Variants in KDM4C observed in about 807,000 individuals in gnomAD.
KDM4C encodes lysine-specific demethylase 4C.
Under a neutral mutation model 129.3 loss-of-function variants are expected in KDM4C, and 81 were observed. The ratio of observed to expected loss-of-function variants is 0.63; its 90% CI spans 0.52 to 0.75. The LOEUF is 0.75. Ranked by LOEUF, KDM4C falls within the 30% of genes least tolerant of loss-of-function variation. KDM4C has a pLI of 0.00. For synonymous variants in KDM4C, 573 were observed against 456.1 expected, an observed-to-expected ratio of 1.26 and a Z score of -3.26; for missense variants, 1,457 against 1,304.0, an observed-to-expected ratio of 1.12 and a Z score of -1.81.
chr9:6,758,015 C>T lies in KDM4C; in HGVS notation c.-206C>T, dbSNP rs1818578042. 2 of 985,318 alleles carry T rather than the reference C, an allele frequency of 2.0e-6. No individual in the cohort carries two copies. The highest frequency in any genetic ancestry group is 2.4e-6 in the Non-Finnish European group (2 of 829,824). The allele number at this position is 985,318 out of a possible 1,614,324, so 61.0% of individuals were successfully genotyped here. Reference sequence around the variant, plus strand: ...CGCCTTCGCCGCTGCCTCCCACCCACCCCCTCGACGGGAGGGTGAGGCGCG... The same window carrying T: ...CGCCTTCGCCGCTGCCTCCCACCCATCCCCTCGACGGGAGGGTGAGGCGCG... On this transcript the variant is annotated 5_prime_UTR_variant, in exon 1 of 22. Transcript: ENST00000381309. This position sits in a 1 kb window ranked among gnomAD's most constrained non-coding sequence, Gnocchi z 4.6.
chr9:7,021,367 A>G (rs1399695882), intron 15 of KDM4C, among the ~76,000 whole-genome samples: 1 of 151,534 alleles, frequency 6.6e-6, no homozygotes, highest in Admixed American at 6.6e-5. Flanking sequence ...CTGGTCTCGA[A>G]CTCCTGACCT....
chr9:7,153,710 A>G (rs149777065), intron 19 of KDM4C, among the ~76,000 whole-genome samples: 4 of 152,356 alleles, frequency 2.6e-5, no homozygotes, highest in African/African-American at 9.6e-5. Context: ...ATGGCAACCA[A>G]CAGAAACTGA....
chr9:6,729,200 T>C (rs1588034739), intron 1 of KDM4C, among the ~76,000 whole-genome samples: 1 of 20,764 alleles, frequency 4.8e-5, no homozygotes, highest in Non-Finnish European at 7.4e-5. Flanking sequence ...CAAAGCTCCG[T>C]CTCCAAAAAA....
intron 1 of KDM4C, among the ~76,000 whole-genome samples, chr9:6,786,908 C>G (rs963329590): frequency 6.6e-6 from 1 of 152,012 alleles, no homozygotes; most frequent in Admixed American, 6.5e-5. Context: ...TTTTGCCCAT[C>G]ATATTGGCAA....
chr9:6,765,469 G>A (rs1313075011), intron 1 of KDM4C, among the ~76,000 whole-genome samples: 1 of 152,068 alleles, frequency 6.6e-6, no homozygotes, highest in Non-Finnish European at 1.5e-5. Context: ...AACACTTAGT[G>A]GTTTATAATT....
chr9:6,984,462 G>A (rs1400841528), intron 10 of KDM4C, 58 bp downstream of exon 10: 10 of 1,094,936 alleles, frequency 9.1e-6, no homozygotes, highest in Non-Finnish European at 1.4e-5. Context: ...ATGATCAGAT[G>A]TCTTAAATGG....
chr9:6,752,198 T>C (rs1818093269), intron 1 of KDM4C, among the ~76,000 whole-genome samples: 1 of 149,990 alleles, frequency 6.7e-6, no homozygotes, highest in Non-Finnish European at 1.5e-5. Context: ...CCGGGCATGG[T>C]GGCGCGCGCC....
chr9:7,072,484 C>G (rs1312309581), intron 17 of KDM4C, among the ~76,000 whole-genome samples: 1 of 152,204 alleles, frequency 6.6e-6, no homozygotes, highest in Non-Finnish European at 1.5e-5. Flanking sequence ...ATGGATGAAT[C>G]TCAGATTCAT....
chr9:7,168,360 C>A (rs904908978), intron 20 of KDM4C, among the ~76,000 whole-genome samples: 3 of 151,962 alleles, frequency 2.0e-5, no homozygotes, highest in African/African-American at 7.3e-5. Flanking sequence ...TTCAAAAATA[C>A]CATGTGGTTC....
intron 4 of KDM4C, among the ~76,000 whole-genome samples, chr9:6,833,416 T>C (rs1350219584): frequency 6.6e-6 from 1 of 152,156 alleles, no homozygotes; most frequent in Non-Finnish European, 1.5e-5. Flanking sequence ...TCTCCCTCCC[T>C]GATGATATAA....
chr9:7,165,145 C>A (rs148110547), intron 19 of KDM4C, 93 bp from the exon 20 acceptor site: 21 of 1,458,094 alleles, frequency 1.4e-5, no homozygotes, highest in Non-Finnish European at 2.0e-5. Context: ...GGCAATAACT[C>A]CTTTTAATTG....
chr9:7,029,451 C>T (rs1390205709), intron 15 of KDM4C, among the ~76,000 whole-genome samples: 1 of 151,744 alleles, frequency 6.6e-6, no homozygotes, highest in Admixed American at 6.6e-5. Flanking sequence ...ACCTCTATTC[C>T]AATAAATTAT....
At chr9:6,840,630 T>C (rs1485828456) in intron 4 of KDM4C, among the ~76,000 whole-genome samples, 1 of 152,102 alleles carries the variant, frequency 6.6e-6, no homozygotes, top group Non-Finnish European at 1.5e-5. Flanking sequence ...CTTCTGACCT[T>C]GTGATCCGCC....
chr9:6,827,056 G>A (rs1260960095), intron 4 of KDM4C, among the ~76,000 whole-genome samples: 3 of 152,106 alleles, frequency 2.0e-5, no homozygotes, highest in African/African-American at 7.2e-5. Context: ...TGGCCAGATC[G>A]CTGCTAACCT....
chr9:6,965,056 C>T (rs938633811), intron 8 of KDM4C, among the ~76,000 whole-genome samples: 13 of 151,670 alleles, frequency 8.6e-5, no homozygotes, highest in Admixed American at 6.6e-4. Context: ...TTCTTGAATG[C>T]GAAAGTTTAG....
intron 17 of KDM4C, among the ~76,000 whole-genome samples, chr9:7,073,284 G>C (rs1355488170): frequency 1.3e-5 from 2 of 152,158 alleles, no homozygotes; most frequent in Non-Finnish European, 2.9e-5. Context: ...CTTTTTCATT[G>C]TGATAATTTT....
At chr9:7,135,405 T>G (rs2381567) in intron 19 of KDM4C, among the ~76,000 whole-genome samples, 96,920 of 151,966 alleles carry the variant, frequency 0.64, 31,183 homozygotes, top group East Asian at 0.69. Flanking sequence ...GACTCAGGTA[T>G]AGCATTTCAT....
At chr9:7,094,410 A>G (rs1836170699) in intron 17 of KDM4C, among the ~76,000 whole-genome samples, 1 of 152,156 alleles carries the variant, frequency 6.6e-6, no homozygotes, top group South Asian at 2.1e-4. Context: ...GAACACATGG[A>G]CACAGGAAGG....
At chr9:6,790,640 C>G (rs779823817) in intron 1 of KDM4C, among the ~76,000 whole-genome samples, 3 of 100,320 alleles carry the variant, frequency 3.0e-5, no homozygotes, top group Non-Finnish European at 5.4e-5. Flanking sequence ...TTCTGTCAGG[C>G]AGATTAAATT....
Sources: allele counts gnomAD v4.1 joint callset (sites outside exome capture counted in the v4.1 genomes callset), GRCh38; gene constraint gnomAD v4.1.1; non-coding constraint Gnocchi (gnomAD v3.1); transcripts MANE v1.5; gene names NCBI Gene and HGNC (gene_info 2026-07-23, HGNC 2026-07-21).